SEMA6D: variants seen among roughly 807,000 people sequenced by gnomAD.
SEMA6D encodes semaphorin-6D.
Under a neutral mutation model 106.6 loss-of-function variants are expected in SEMA6D, and 35 were observed. The ratio of observed to expected loss-of-function variants is 0.33; its 90% CI spans 0.25 to 0.44. The LOEUF is 0.44. Ranked by LOEUF, SEMA6D falls within the 20% of genes least tolerant of loss-of-function variation. The pLI is 1.00. For synonymous variants in SEMA6D, 499 were observed against 487.7 expected, an observed-to-expected ratio of 1.02 and a Z score of -0.31; for missense variants, 1,185 against 1,345.9, an observed-to-expected ratio of 0.88 and a Z score of 1.87.
intron 9 of SEMA6D, 123 bp downstream of exon 9, chr15:47,763,227 A>C: frequency 1.6e-6 from 1 of 623,296 alleles, no homozygotes; most frequent in South Asian, 2.4e-5. Context: ...ACATAGGGCC[A>C]ACTGCAGAGA....
Position 47,770,501 on chromosome 15 carries a change from A to G in SEMA6D, c.1938A>G (p.Val646=), listed in dbSNP as rs2082573744. The G allele has an allele frequency of 6.3e-7, 1 of 1,585,832 alleles. No individual in the cohort carries two copies. Among genetic ancestry groups the G allele is most frequent in the African/African-American group, 1.3e-5 (1 of 74,262 alleles). Residue 646 remains valine (V), a synonymous_variant, in exon 19 of 19, where the codon GTA becomes GTG. Coordinates refer to ENST00000536845, the MANE Select transcript of SEMA6D (RefSeq NM_001358351.3). ...TDPLSGIPKG[V]RWEVQSGESN... is the part of the protein sequence containing the mutation. ...TGTCCCATGTGTCTATTTCAGGTGT[A>G]CGATGGGAAGTCCAGTCTGGAGAGT...
intron 4 of SEMA6D, among the ~76,000 whole-genome samples, chr15:47,690,896 T>C (rs2078573058): frequency 6.6e-6 from 1 of 152,196 alleles, no homozygotes; most frequent in Admixed American, 6.5e-5. Context: ...GTTAAGATTG[T>C]ATATAACCAT....
chr15:47,393,891 G>T (rs2145859107), intron 1 of SEMA6D, among the ~76,000 whole-genome samples: 1 of 152,252 alleles, frequency 6.6e-6, no homozygotes, highest in Middle Eastern at 3.4e-3. Flanking sequence ...ATCCGCACTG[G>T]CATGTTATAT....
intron 1 of SEMA6D, among the ~76,000 whole-genome samples, chr15:47,321,055 T>C (rs1306417918): frequency 6.6e-6 from 1 of 152,222 alleles, no homozygotes; most frequent in Non-Finnish European, 1.5e-5. Flanking sequence ...ATTTTTTCCC[T>C]CTATGTAAGC....
At chr15:47,320,127 C>G (rs1078242) in intron 1 of SEMA6D, among the ~76,000 whole-genome samples, 151 of 152,274 alleles carry the variant, frequency 9.9e-4, no homozygotes, top group African/African-American at 3.6e-3. Flanking sequence ...GCTCCTTACA[C>G]CAGAAACCAA....
chr15:47,211,197 G>A (rs926005730), intron 1 of SEMA6D, among the ~76,000 whole-genome samples: 6 of 151,790 alleles, frequency 4.0e-5, no homozygotes, highest in Non-Finnish European at 7.4e-5. Flanking sequence ...TTTGAAAGTC[G>A]TTCAAATTTA....
At chr15:47,753,936 T>A (rs918529425) in intron 1 of SEMA6D, among the ~76,000 whole-genome samples, 3 of 152,196 alleles carry the variant, frequency 2.0e-5, no homozygotes, top group African/African-American at 7.2e-5. Flanking sequence ...ATCAACATGG[T>A]ATCTCTCTGG....
chr15:47,540,044 C>CTGTG lies in SEMA6D; in HGVS notation c.-86-60807_-86-60804dup, dbSNP rs34146724. 2.9e-3 allele frequency among the ~76,000 whole-genome samples: 435 copies of CTGTG among 150,686 alleles called. 2 individuals carry two copies. Among genetic ancestry groups the CTGTG allele is most frequent in the African/African-American group, 9.6e-3 (392 of 41,002 alleles). ...TGATTTGAAAGACTTTTATATTTAG[C>CTGTG]TGTGTGTGTGTGTGTGTTTGTGTGT... On this transcript the variant is annotated intron_variant, in intron 3 of 19. Coordinates refer to the SEMA6D transcript ENST00000558014.
intron 1 of SEMA6D, among the ~76,000 whole-genome samples, chr15:47,185,383 G>A (rs2140877508): frequency 6.6e-6 from 1 of 152,272 alleles, no homozygotes; most frequent in South Asian, 2.1e-4. Flanking sequence ...TTCCCCCATT[G>A]AAATTGTTTT....
chr15:47,762,151 C>T, intron 7 of SEMA6D, 49 bp from the exon 8 acceptor site: 1 of 1,611,010 alleles, frequency 6.2e-7, no homozygotes, highest in Non-Finnish European at 8.5e-7. Flanking sequence ...AGCTAACACA[C>T]TGCAGGATAA....
Position 47,477,665 on chromosome 15 carries a change from A to G in SEMA6D, c.-87+7120A>G, listed in dbSNP as rs1045568672. Among the ~76,000 whole-genome samples, 8 of 150,300 alleles carry G rather than the reference A, an allele frequency of 5.3e-5. No individual in the cohort carries two copies. The East Asian group carries it at 7.8e-4, about 15-fold the overall frequency. On this transcript the variant is annotated intron_variant, in intron 3 of 19. Transcript: ENST00000558014. ...AGCCACAGAATTTGATTTTTTGCCAATTTTTTTTTTCCTTTTCTTTTTGGT... is the reference window on the plus strand; with the variant it reads ...AGCCACAGAATTTGATTTTTTGCCAGTTTTTTTTTTCCTTTTCTTTTTGGT...
At chr15:47,622,201 C>CAAA (rs199839582) in intron 4 of SEMA6D, among the ~76,000 whole-genome samples, 1 of 62,798 alleles carries the variant, frequency 1.6e-5, no homozygotes, top group Non-Finnish European at 3.7e-5. Flanking sequence ...GAAACCCAGC[C>CAAA]AAAAAAAAAA....
chr15:47,521,435 C>T (rs768710307), intron 3 of SEMA6D, among the ~76,000 whole-genome samples: 2 of 152,174 alleles, frequency 1.3e-5, no homozygotes, highest in Admixed American at 6.5e-5. Context: ...AAACTCCTCT[C>T]GGATCTGACT....
At chr15:47,261,406 T>A (rs2034070552) in intron 1 of SEMA6D, among the ~76,000 whole-genome samples, 1 of 152,198 alleles carries the variant, frequency 6.6e-6, no homozygotes, top group African/African-American at 2.4e-5. Context: ...TTTTAAAAAG[T>A]GCATTATTTT....
At chr15:47,757,820 G>A (rs2081839802) in intron 1 of SEMA6D, among the ~76,000 whole-genome samples, 1 of 152,104 alleles carries the variant, frequency 6.6e-6, no homozygotes, top group Non-Finnish European at 1.5e-5. Flanking sequence ...TCATACCCAG[G>A]ATTCTCCAGT....
chr15:47,233,459 A>G (rs1385661822), intron 1 of SEMA6D, among the ~76,000 whole-genome samples: 1 of 152,002 alleles, frequency 6.6e-6, no homozygotes, highest in African/African-American at 2.4e-5. Context: ...TAGCTTGCCA[A>G]TTTACGCAAA....
chr15:47,409,731 A>C (rs1036857337), intron 1 of SEMA6D, among the ~76,000 whole-genome samples: 3 of 152,184 alleles, frequency 2.0e-5, no homozygotes, highest in Admixed American at 6.5e-5. Flanking sequence ...AGCTAAGGTT[A>C]AGACCAGTAT....
intron 4 of SEMA6D, among the ~76,000 whole-genome samples, chr15:47,613,114 A>G (rs1332014438): frequency 2.6e-5 from 4 of 152,212 alleles, no homozygotes; most frequent in East Asian, 1.9e-4. Context: ...GTACCTCTAC[A>G]TAATTTGGAG....
chr15:47,226,597 G>A (rs1314338682), intron 1 of SEMA6D, among the ~76,000 whole-genome samples: 3 of 152,062 alleles, frequency 2.0e-5, no homozygotes, highest in African/African-American at 4.8e-5. Context: ...CATAGCTGCA[G>A]TGGATGAGTC....
Sources: allele counts gnomAD v4.1 joint callset (sites outside exome capture counted in the v4.1 genomes callset), GRCh38; gene constraint gnomAD v4.1.1; transcripts MANE v1.5; gene names NCBI Gene and HGNC (gene_info 2026-07-23, HGNC 2026-07-21).